Variants in TLK1 observed in about 807,000 individuals in gnomAD.
The protein encoded by TLK1 is tousled like kinase 1, also known as serine/threonine-protein kinase tousled-like 1.
Under a neutral mutation model 105.3 loss-of-function variants are expected in TLK1, and 24 were observed. The ratio of observed to expected loss-of-function variants is 0.23; its 90% CI spans 0.17 to 0.32. TLK1 has a LOEUF of 0.32. TLK1 is among the 10% of genes least tolerant of loss of function. The pLI, the probability that TLK1 is intolerant of heterozygous loss-of-function variation, is 1.00. For missense variants in TLK1, 558 were observed against 910.5 expected (o/e 0.61, Z 4.98); for synonymous variants, 321 against 310.4 (o/e 1.03, Z -0.36).
intron 3 of TLK1, among the ~76,000 whole-genome samples, chr2:171,078,809 G>A (rs1404712020): frequency 6.6e-6 from 1 of 152,184 alleles, no homozygotes; most frequent in Non-Finnish European, 1.5e-5. Context: ...GTTTTATAAA[G>A]AAGGCTGTAT....
At chr2:171,172,684 T>A (rs768399821) in intron 1 of TLK1, among the ~76,000 whole-genome samples, 4 of 152,116 alleles carry the variant, frequency 2.6e-5, no homozygotes, top group Non-Finnish European at 5.9e-5. Flanking sequence ...TCTCTCTTGC[T>A]CTTATTCTGG....
intron 2 of TLK1, among the ~76,000 whole-genome samples, chr2:171,110,361 C>T (rs892888690): frequency 1.3e-5 from 2 of 152,094 alleles, no homozygotes; most frequent in Non-Finnish European, 2.9e-5. Flanking sequence ...CCCAGCTACT[C>T]GGGAGGCTGA....
intron 2 of TLK1, among the ~76,000 whole-genome samples, chr2:171,094,845 T>C (rs1204258932): frequency 6.6e-6 from 1 of 152,108 alleles, no homozygotes; most frequent in African/African-American, 2.4e-5. Flanking sequence ...TGACCTCAGG[T>C]GATCTGCCCA....
chr2:171,022,578 G>C (rs1685579198), intron 12 of TLK1, among the ~76,000 whole-genome samples: 3 of 152,140 alleles, frequency 2.0e-5, no homozygotes, highest in Admixed American at 1.3e-4. Flanking sequence ...AGGTTCTACA[G>C]AAACATCATG....
intron 1 of TLK1, among the ~76,000 whole-genome samples, chr2:171,152,134 G>A (rs1432142792): frequency 1.3e-5 from 2 of 152,056 alleles, no homozygotes; most frequent in African/African-American, 2.4e-5. Context: ...AAACCTAGTA[G>A]TTTATTTACT....
At chr2:171,031,532 T>C (rs1686044692) in intron 11 of TLK1, among the ~76,000 whole-genome samples, 3 of 152,166 alleles carry the variant, frequency 2.0e-5, no homozygotes, top group African/African-American at 4.8e-5. Context: ...TCTCTTCCCA[T>C]AGACTCATAT....
intron 18 of TLK1, among the ~76,000 whole-genome samples, chr2:171,003,507 C>G (rs1240558783): frequency 6.6e-6 from 1 of 152,090 alleles, no homozygotes; most frequent in African/African-American, 2.4e-5. Flanking sequence ...GAGAGCACTT[C>G]CATCATTACT....
chr2:171,054,875 G>A (rs996871930), intron 7 of TLK1: 17 of 343,134 alleles, frequency 5.0e-5, no homozygotes, highest in African/African-American at 1.9e-4. Context: ...ACATGTTAAC[G>A]GTTGTTTAAA....
At chr2:171,044,884 A>C (rs1686871310) in intron 11 of TLK1, among the ~76,000 whole-genome samples, 1 of 152,204 alleles carries the variant, frequency 6.6e-6, no homozygotes, top group Non-Finnish European at 1.5e-5. Flanking sequence ...AGCATTTAGC[A>C]TCAGGAAGAT....
chr2:171,068,106 C>T (rs1688094039), intron 3 of TLK1, among the ~76,000 whole-genome samples: 1 of 152,096 alleles, frequency 6.6e-6, no homozygotes, highest in Non-Finnish European at 1.5e-5. Flanking sequence ...GTGGGTGGAT[C>T]ACCTGAGGTC....
chr2:171,064,080 C>G (rs751425344), intron 3 of TLK1, among the ~76,000 whole-genome samples: 8 of 152,070 alleles, frequency 5.3e-5, no homozygotes, highest in Non-Finnish European at 7.4e-5. Flanking sequence ...TTCATTAAAC[C>G]AACCAAAAAG....
At chr2:171,171,354 G>GAA (rs905723818) in intron 1 of TLK1, among the ~76,000 whole-genome samples, 1 of 147,152 alleles carries the variant, frequency 6.8e-6, no homozygotes, top group Non-Finnish European at 1.5e-5. Flanking sequence ...ACCCTGTCTG[G>GAA]AAAAAAAAAA....
intron 2 of TLK1, among the ~76,000 whole-genome samples, chr2:171,095,116 A>T (rs1169718080): frequency 2.0e-5 from 3 of 152,216 alleles, no homozygotes. Flanking sequence ...AAAACATATG[A>T]GATAAAGTTA....
intron 19 of TLK1, 30 bp downstream of exon 19, chr2:170,997,682 A>C: frequency 1.4e-6 from 2 of 1,446,196 alleles, no homozygotes; most frequent in Non-Finnish European, 1.9e-6. Flanking sequence ...TTATCTCTGT[A>C]GAGCTGAAGG....
intron 1 of TLK1, among the ~76,000 whole-genome samples, chr2:171,124,690 T>G (rs1188726647): frequency 6.6e-6 from 1 of 152,220 alleles, no homozygotes; most frequent in East Asian, 1.9e-4. Flanking sequence ...GCTTTGTAAA[T>G]TACTCCAACT....
chr2:171,098,971 G>T (rs1689576163), intron 2 of TLK1, among the ~76,000 whole-genome samples: 1 of 152,148 alleles, frequency 6.6e-6, no homozygotes, highest in Admixed American at 6.6e-5. Context: ...TCCTCAACCT[G>T]AGAAAGGACA....
chr2:170,994,098 TTC>T, intron 20 of TLK1, 142 bp from the exon 21 acceptor site: 6 of 894,534 alleles, frequency 6.7e-6, no homozygotes, highest in East Asian at 6.3e-5. Flanking sequence ...AAAAAAAAAA[TTC>T]TGTAGCTAGA....
chr2:171,197,973 CAA>C (rs1024582352), intron 1 of TLK1, among the ~76,000 whole-genome samples: 15 of 152,164 alleles, frequency 9.9e-5, no homozygotes, highest in African/African-American at 3.4e-4. Flanking sequence ...CTGCACCAGA[CAA>C]AGTTTCCTGT....
chr2:171,059,815 T>C (rs1687663603), intron 4 of TLK1: 9 of 726,288 alleles, frequency 1.2e-5, no homozygotes, highest in South Asian at 1.2e-4. Context: ...CTGGATCCCT[T>C]GCATGTGCAG....
Sources: gnomAD v4.1 joint callset for allele counts (sites outside exome capture counted in the v4.1 genomes callset) on GRCh38, gnomAD v4.1.1 for gene constraint, MANE v1.5 for transcripts, NCBI Gene and HGNC (gene_info 2026-07-23, HGNC 2026-07-21) for gene names.